The following EYS variants were observed in gnomAD, a reference collection of about 807,000 sequenced individuals.
EYS encodes protein eyes shut homolog.
EYS carries 250 observed loss-of-function variants against 282.1 expected under a neutral mutation model. The ratio of observed to expected loss-of-function variants is 0.89; its 90% CI spans 0.80 to 0.98. The LOEUF (loss-of-function observed/expected upper bound fraction) is 0.98, where lower values mean the gene tolerates loss of function less well. Among genes scored for constraint, EYS ranks in the 50% least tolerant of loss-of-function variants. The pLI is 0.00. For synonymous variants in EYS, 1,355 were observed against 1,282.9 expected, an observed-to-expected ratio of 1.06 and a Z score of -1.20; for missense variants, 4,016 against 3,709.0, an observed-to-expected ratio of 1.08 and a Z score of -2.15.
At chr6:64,148,459 C>T (rs976252811) in intron 31 of EYS, among the ~76,000 whole-genome samples, 1 of 152,062 alleles carries the variant, frequency 6.6e-6, no homozygotes, top group Admixed American at 6.6e-5. Flanking sequence ...GGCATTTTAT[C>T]TGTTCCCTGA....
chr6:65,487,760 T>A (rs1765867827), intron 5 of EYS, among the ~76,000 whole-genome samples: 1 of 152,126 alleles, frequency 6.6e-6, no homozygotes. Flanking sequence ...TACCAGCTCA[T>A]TTTTGTACTT....
At chr6:64,303,976 G>C (rs1769339281) in intron 30 of EYS, among the ~76,000 whole-genome samples, 1 of 151,944 alleles carries the variant, frequency 6.6e-6, no homozygotes, top group Non-Finnish European at 1.5e-5. Flanking sequence ...GTTTACCCAT[G>C]TGGTCCTAAG....
chr6:64,358,683 C>A (rs1469191977), intron 29 of EYS, among the ~76,000 whole-genome samples: 1 of 151,612 alleles, frequency 6.6e-6, no homozygotes, highest in Non-Finnish European at 1.5e-5. Flanking sequence ...GGCAAATATA[C>A]ATGCAGATAG....
chr6:64,445,782 G>A, intron 26 of EYS, among the ~76,000 whole-genome samples: 1 of 151,930 alleles, frequency 6.6e-6, no homozygotes, highest in East Asian at 1.9e-4. Context: ...TCAAGTTAAG[G>A]AGAACCTTTC....
chr6:64,307,058 T>G lies in EYS; in HGVS notation c.6103A>C (p.Thr2035Pro). The G allele has an allele frequency of 3.3e-6, 5 of 1,529,336 alleles. No homozygotes were observed. Among genetic ancestry groups the G allele is most frequent in the Admixed American group, 2.0e-5 (1 of 50,610 alleles). 94.7% of individuals were successfully genotyped at this position (1,529,336 alleles called of 1,614,324 possible). A position where few individuals can be genotyped will look rare whatever the true frequency, so the allele number is the denominator to read the frequency against. Residue 2035 changes from threonine (T) to proline (P), a missense_variant, in exon 30 of 43, where the codon ACT becomes CCT. By Grantham distance (38) the Thr-to-Pro change is conservative. Transcript: ENST00000503581. Reference protein sequence around the residue: ...IQMPVPVKNFTGCIEVIEINN... With the variant: ...IQMPVPVKNFPGCIEVIEINN... ...ATTTCTATAACTTCTATGCAGCCAG[T>G]AAAATTCTTGACTGGTACAGGCATC...
intron 12 of EYS, chr6:65,295,610 T>C: frequency 2.1e-6 from 1 of 472,830 alleles, no homozygotes; most frequent in Non-Finnish European, 3.7e-6. Context: ...TATACCATCA[T>C]ATTCCCAATG....
chr6:64,527,548 C>G (rs578232764), intron 26 of EYS, among the ~76,000 whole-genome samples: 53 of 151,864 alleles, frequency 3.5e-4, no homozygotes, highest in Admixed American at 3.4e-3. Flanking sequence ...CTTAGGTAAA[C>G]AAGCTGTTTT....
chr6:65,628,376 C>T (rs1361159330), intron 2 of EYS, among the ~76,000 whole-genome samples: 3 of 152,138 alleles, frequency 2.0e-5, no homozygotes, highest in Admixed American at 2.0e-4. Context: ...CAAAAGAGGC[C>T]ACTCGGCTCC....
At chr6:63,957,598 T>G (rs141529817) in intron 35 of EYS, among the ~76,000 whole-genome samples, 2 of 141,268 alleles carry the variant, frequency 1.4e-5, no homozygotes, top group South Asian at 4.6e-4. Context: ...ATTTCTCGTA[T>G]TCAGTGAATT....
chr6:63,831,110 A>G (rs1430590764), intron 36 of EYS, among the ~76,000 whole-genome samples: 1 of 152,214 alleles, frequency 6.6e-6, no homozygotes, highest in African/African-American at 2.4e-5. Flanking sequence ...CATTGCAAAA[A>G]CATGCCAAAT....
intron 12 of EYS, among the ~76,000 whole-genome samples, chr6:65,292,579 A>G (rs1768556219): frequency 6.6e-6 from 1 of 151,742 alleles, no homozygotes; most frequent in African/African-American, 2.4e-5. Flanking sequence ...ACTCCTTTGT[A>G]TATAAAGTAC....
chr6:65,269,720 C>T (rs1030356237), intron 12 of EYS, among the ~76,000 whole-genome samples: 12 of 152,060 alleles, frequency 7.9e-5, no homozygotes, highest in African/African-American at 2.9e-4. Flanking sequence ...TGAGGGTCCT[C>T]TTCCTCTTCC....
chr6:64,345,620 T>C (rs191776781), intron 29 of EYS, among the ~76,000 whole-genome samples: 5,075 of 151,752 alleles, frequency 0.033, 117 homozygotes, highest in Middle Eastern at 0.078. Flanking sequence ...CTAGGCAATA[T>C]CATTCAGGAC....
chr6:64,191,653 C>T lies in EYS; in HGVS notation c.6424+38939G>A, dbSNP rs796239867. The stretch of plus-strand genomic sequence containing the variant: ...TTCATCCATGTCCCTACAAAGGACA[C>T]GAACTCATCATTTTTTATGGCTGCA... On this transcript the variant is annotated intron_variant, in intron 31 of 42. Transcript: ENST00000503581. Among the ~76,000 whole-genome samples the T allele has an allele frequency of 1.8e-4, 27 of 152,030 alleles. No homozygotes were observed. In the East Asian group the frequency reaches 3.3e-3, roughly 19 times the overall value.
At chr6:65,188,835 G>T (rs1765573907) in intron 12 of EYS, among the ~76,000 whole-genome samples, 1 of 150,532 alleles carries the variant, frequency 6.6e-6, no homozygotes, top group Admixed American at 6.7e-5. Flanking sequence ...TCTAGAAGAT[G>T]GAAGAGGCAA....
intron 12 of EYS, among the ~76,000 whole-genome samples, chr6:65,284,542 G>A (rs918165789): frequency 6.6e-6 from 1 of 151,936 alleles, no homozygotes. Flanking sequence ...ACCCACCTAT[G>A]CTTCTCTGAA....
chr6:64,390,080 G>A (rs1773061646), intron 28 of EYS, among the ~76,000 whole-genome samples: 1 of 151,990 alleles, frequency 6.6e-6, no homozygotes, highest in Non-Finnish European at 1.5e-5. Context: ...TTAAAAAACG[G>A]CACATCACGA....
chr6:64,296,577 TATATATACATATATATA>T lies in EYS; in HGVS notation c.6191+10376_6191+10392del, dbSNP rs1387120636. 4.3e-3 allele frequency among the ~76,000 whole-genome samples: 36 copies of T among 8,276 alleles called. 1 individual carries two copies. Among genetic ancestry groups the T allele is most frequent in the African/African-American group, 0.011 (33 of 3,016 alleles). 5.4% of individuals were successfully genotyped at this position (8,276 alleles called of 152,430 possible). ...ATATATATATATATATATATATATA[TATATATACATATATATA>T]TATATTTTTTTTTTTTTTTTTTTTT... On this transcript the variant is annotated intron_variant, in intron 30 of 42. Coordinates refer to ENST00000503581, the MANE Select transcript of EYS (RefSeq NM_001142800.2).
intron 12 of EYS, among the ~76,000 whole-genome samples, chr6:65,131,653 C>A (rs992191041): frequency 7.2e-5 from 11 of 151,784 alleles, no homozygotes; most frequent in African/African-American, 2.7e-4. Context: ...CCTAACATCA[C>A]AACTGAAAGA....
Sources: gnomAD v4.1 joint callset for allele counts (sites outside exome capture counted in the v4.1 genomes callset) on GRCh38, gnomAD v4.1.1 for gene constraint, MANE v1.5 for transcripts, NCBI Gene and HGNC (gene_info 2026-07-23, HGNC 2026-07-21) for gene names.